The following GREB1L variants were observed in gnomAD, a reference collection of about 807,000 sequenced individuals.
GREB1L encodes GREB1 like retinoic acid receptor coactivator.
In GREB1L, 17 loss-of-function variants were observed where a neutral mutation model predicts 200.8. The observed-to-expected ratio is 0.08, with a 90% CI of 0.06 to 0.13. The LOEUF (loss-of-function observed/expected upper bound fraction) is 0.13, where lower values mean the gene tolerates loss of function less well. Among genes scored for constraint, GREB1L ranks in the 10% least tolerant of loss-of-function variants. The pLI, the probability that GREB1L is intolerant of heterozygous loss-of-function variation, is 1.00. For synonymous variants in GREB1L, 789 were observed against 893.0 expected (o/e 0.88, Z 2.08); for missense variants, 1,657 against 2,367.7 (o/e 0.70, Z 6.23).
intron 1 of GREB1L, among the ~76,000 whole-genome samples, chr18:21,307,956 A>C (rs1358085341): frequency 6.6e-6 from 1 of 152,230 alleles, no homozygotes; most frequent in Non-Finnish European, 1.5e-5. Flanking sequence ...AAATTAGAGC[A>C]GTATCCCTTT....
intron 1 of GREB1L, among the ~76,000 whole-genome samples, chr18:21,330,900 CACA>C (rs2039097637): frequency 1.3e-5 from 2 of 152,112 alleles, no homozygotes; most frequent in Non-Finnish European, 2.9e-5. Context: ...TTTTAAAAAT[CACA>C]ACATTATATA....
At chr18:21,487,549 T>C (rs573664588) in intron 18 of GREB1L, among the ~76,000 whole-genome samples, 1 of 152,338 alleles carries the variant, frequency 6.6e-6, no homozygotes, top group East Asian at 1.9e-4. Context: ...ACTGAAGGAT[T>C]TCTTCATTTC....
chr18:21,374,600 C>A (rs147768228), intron 2 of GREB1L, among the ~76,000 whole-genome samples: 46 of 152,266 alleles, frequency 3.0e-4, no homozygotes, highest in South Asian at 2.1e-3. Context: ...GCTTACTTTG[C>A]TGTTAAAATC....
intron 25 of GREB1L, among the ~76,000 whole-genome samples, chr18:21,507,854 C>A (rs980455063): frequency 6.6e-6 from 1 of 152,180 alleles, no homozygotes; most frequent in Non-Finnish European, 1.5e-5. Flanking sequence ...TCTGAGAGCA[C>A]ACAGAATGCA....
At chr18:21,331,108 C>G (rs1405834521) in intron 1 of GREB1L, among the ~76,000 whole-genome samples, 1 of 152,166 alleles carries the variant, frequency 6.6e-6, no homozygotes, top group Non-Finnish European at 1.5e-5. Flanking sequence ...ACTTCACTTA[C>G]TAGTTTTAGT....
chr18:21,296,145 A>G (rs1294476367), intron 1 of GREB1L, among the ~76,000 whole-genome samples: 1 of 152,334 alleles, frequency 6.6e-6, no homozygotes, highest in African/African-American at 2.4e-5. Context: ...TTGCAGCACT[A>G]TTCACAATAG....
chr18:21,515,910 C>G (rs2037400302), intron 29 of GREB1L, among the ~76,000 whole-genome samples: 1 of 152,204 alleles, frequency 6.6e-6, no homozygotes, highest in East Asian at 1.9e-4. Flanking sequence ...GACACAAAAA[C>G]TACTGACTCA....
rs146238245 is a variant in GREB1L at position 21,353,342 on chromosome 18, C to T, written c.-119-12685C>T. Reference sequence around the variant, plus strand: ...TAACCGAGACAGGGTATGCAAGGTACATGGCAGGTACTCAATAGTAGCAGC... The same window carrying T: ...TAACCGAGACAGGGTATGCAAGGTATATGGCAGGTACTCAATAGTAGCAGC... On this transcript the variant is annotated intron_variant, in intron 1 of 32. Coordinates refer to ENST00000424526, the MANE Select transcript of GREB1L (RefSeq NM_001142966.3). Among the ~76,000 whole-genome samples, 15 of 152,096 alleles carry T rather than the reference C, an allele frequency of 9.9e-5. No homozygotes were observed. In the East Asian group the frequency reaches 2.9e-3, roughly 29 times the overall value.
At chr18:21,437,335 A>G (rs1348761996) in intron 7 of GREB1L, among the ~76,000 whole-genome samples, 1 of 152,204 alleles carries the variant, frequency 6.6e-6, no homozygotes, top group African/African-American at 2.4e-5. Flanking sequence ...GTTGGATTAC[A>G]GACTTTGAAC....
intron 1 of GREB1L, among the ~76,000 whole-genome samples, chr18:21,348,655 A>G (rs1182665626): frequency 1.3e-5 from 2 of 152,064 alleles, no homozygotes; most frequent in Non-Finnish European, 2.9e-5. Flanking sequence ...GGTGACTGTA[A>G]TCCCAGCTAC....
At chr18:21,445,010 C>T (rs1419906155) in intron 11 of GREB1L, among the ~76,000 whole-genome samples, 4 of 152,210 alleles carry the variant, frequency 2.6e-5, no homozygotes, top group Non-Finnish European at 5.9e-5. Flanking sequence ...TTCACTTCCT[C>T]TATCTGATAT....
intron 1 of GREB1L, among the ~76,000 whole-genome samples, chr18:21,313,122 T>C (rs2038817145): frequency 6.6e-6 from 1 of 152,096 alleles, no homozygotes. Flanking sequence ...TAGTTTCTTT[T>C]GCTGTGCAGA....
intron 1 of GREB1L, among the ~76,000 whole-genome samples, chr18:21,360,729 A>C (rs2143537069): frequency 6.6e-6 from 1 of 152,372 alleles, no homozygotes; most frequent in East Asian, 1.9e-4. Context: ...AATAAAACAA[A>C]AAATTGAATA....
chr18:21,309,425 T>A (rs1239620730), intron 1 of GREB1L, among the ~76,000 whole-genome samples: 1 of 152,184 alleles, frequency 6.6e-6, no homozygotes, highest in East Asian at 1.9e-4. Context: ...AGCATCATTA[T>A]GTGAGAGTGT....
rs1479974968 is a variant in GREB1L, at chr18:21,449,423, GAGA to G, written c.1394-84_1394-82del. ...CTAGTTGGAGTATGTATGATGGGCT[GAGA>G]AGGACTGCAGGAAAGCATATGGGTG... is the stretch of plus-strand genomic sequence containing the variant. On this transcript the variant is annotated intron_variant, in intron 11 of 32. Transcript: ENST00000424526. 5 of 775,476 alleles carry G rather than the reference GAGA, an allele frequency of 6.4e-6. No individual in the cohort carries two copies. In the African/African-American group the frequency reaches 8.7e-5, roughly 14 times the overall value. The allele number at this position is 775,476 out of a possible 1,614,324, so 48.0% of individuals were successfully genotyped here.
At chr18:21,520,980 A>C (rs1287267143) in intron 32 of GREB1L, among the ~76,000 whole-genome samples, 157 bp downstream of exon 32, 1 of 151,966 alleles carries the variant, frequency 6.6e-6, no homozygotes, top group Non-Finnish European at 1.5e-5. Context: ...GTGGATCACG[A>C]GGTCAGGAGA....
At chr18:21,518,654 A>G (rs1050002131) in intron 31 of GREB1L, among the ~76,000 whole-genome samples, 3 of 152,182 alleles carry the variant, frequency 2.0e-5, no homozygotes, top group Admixed American at 1.3e-4. Context: ...AAGACATACA[A>G]TGTCTTAGGC....
At chr18:21,267,801 A>C (rs921471727) in intron 1 of GREB1L, among the ~76,000 whole-genome samples, 22 of 149,534 alleles carry the variant, frequency 1.5e-4, no homozygotes, top group African/African-American at 5.2e-4. Flanking sequence ...GTCCCACCCC[A>C]AGCTTTTTTT....
chr18:21,286,069 A>T (rs1402948419), intron 1 of GREB1L, among the ~76,000 whole-genome samples: 1 of 152,224 alleles, frequency 6.6e-6, no homozygotes, highest in African/African-American at 2.4e-5. Flanking sequence ...TAACTAGAAA[A>T]ATTAAATTTT....
Sources: gnomAD v4.1 joint callset for allele counts (sites outside exome capture counted in the v4.1 genomes callset) on GRCh38, gnomAD v4.1.1 for gene constraint, MANE v1.5 for transcripts, NCBI Gene and HGNC (gene_info 2026-07-23, HGNC 2026-07-21) for gene names.